TBC1D1: variants seen among roughly 807,000 people sequenced by gnomAD.
The protein encoded by TBC1D1 is TBC1 domain family member 1.
In TBC1D1, 89 loss-of-function variants were observed where a neutral mutation model predicts 125.6. The observed-to-expected ratio is 0.71, with a 90% CI of 0.60 to 0.85. The LOEUF (loss-of-function observed/expected upper bound fraction) is 0.85. TBC1D1 is among the 40% of genes least tolerant of loss of function. The pLI is 0.00. For missense variants in TBC1D1, 1,377 were observed against 1,469.2 expected (o/e 0.94, Z 1.03); for synonymous variants, 565 against 564.1 (o/e 1.00, Z -0.02).
At chr4:38,115,664 CTT>C in intron 15 of TBC1D1, 44 bp from the exon 18 acceptor site, 9 of 1,568,922 alleles carry the variant, frequency 5.7e-6, no homozygotes, top group Non-Finnish European at 7.8e-6. Flanking sequence ...AATAGGCTTT[CTT>C]TTTTTGTTTT....
intron 2 of TBC1D1, among the ~76,000 whole-genome samples, chr4:38,011,090 G>A (rs1016900303): frequency 7.9e-5 from 12 of 152,256 alleles, no homozygotes; most frequent in African/African-American, 1.7e-4. Flanking sequence ...AGTGGCTCAC[G>A]CCTGTAATCC....
chr4:37,924,345 C>T (rs1268956876), intron 2 of TBC1D1, among the ~76,000 whole-genome samples: 1 of 152,146 alleles, frequency 6.6e-6, no homozygotes, highest in African/African-American at 2.4e-5. Flanking sequence ...GAAATATCTA[C>T]CACTAACCCA....
chr4:37,916,196 G>A (rs559873800), intron 2 of TBC1D1, among the ~76,000 whole-genome samples: 2 of 152,264 alleles, frequency 1.3e-5, no homozygotes, highest in African/African-American at 4.8e-5. Flanking sequence ...CCAACATTAA[G>A]AGACTGGTGT....
At chr4:38,095,106 A>G (rs912926337) in intron 13 of TBC1D1, among the ~76,000 whole-genome samples, 2 of 152,256 alleles carry the variant, frequency 1.3e-5, no homozygotes, top group East Asian at 3.9e-4. Context: ...GTACGAGGGA[A>G]AAGATTAAAG....
chr4:37,935,769 G>A (rs560850930), intron 2 of TBC1D1, among the ~76,000 whole-genome samples: 20 of 152,200 alleles, frequency 1.3e-4, no homozygotes, highest in Admixed American at 5.2e-4. Flanking sequence ...AAGAGTCTCC[G>A]TTTCCCCTCC....
In TBC1D1 at chr4:38,049,758, C is replaced by T. The variant is rs2152478580; in HGVS notation, c.1770C>T (p.Phe590=). The change falls in exon 11 of 20, where the codon TTC becomes TTT. Residue 590 remains phenylalanine (F), a synonymous_variant. Transcript: ENST00000261439. ...CTCCGCTGTCGCCCCAGCAGGCCTT[C>T]AGGAGGCGAGCAAACACCCTGAGTC... 6.2e-7 allele frequency: 1 copy of T among 1,614,170 alleles called. No homozygotes were observed. The highest frequency in any genetic ancestry group is 1.1e-5 in the South Asian group (1 of 91,086).
chr4:37,903,624 A>T (rs888070589), intron 2 of TBC1D1, among the ~76,000 whole-genome samples: 35 of 152,170 alleles, frequency 2.3e-4, no homozygotes, highest in African/African-American at 8.4e-4. Flanking sequence ...TATTTTATGT[A>T]CTCTCTAGGG....
intron 2 of TBC1D1, chr4:37,960,582 T>C: frequency 6.2e-7 from 1 of 1,614,188 alleles, no homozygotes; most frequent in Non-Finnish European, 8.5e-7. Flanking sequence ...TGGCAAAACA[T>C]ACGATGCTCC....
intron 7 of TBC1D1, among the ~76,000 whole-genome samples, chr4:38,032,288 C>T (rs1325223408): frequency 6.6e-6 from 1 of 152,102 alleles, no homozygotes; most frequent in Non-Finnish European, 1.5e-5. Context: ...CACTGCACTC[C>T]AGCCTGGGGG....
At position 38,133,214 on chromosome 4, in the gene TBC1D1, G is replaced by C. The variant is rs1222128281; in HGVS notation, c.3263G>C (p.Ser1088Thr). 8.1e-6 allele frequency: 13 copies of C among 1,614,158 alleles called. No homozygotes were observed. Among genetic ancestry groups the C allele is most frequent in the Non-Finnish European group, 9.3e-6 (11 of 1,180,002 alleles). The stretch of plus-strand genomic sequence containing the variant: ...ATGGATAAATTAGAGAAAACCAACA[G>C]CAGCTTACGCAAACAGAACCTTGAC... Residue 1088 changes from serine to threonine, a missense_variant, in exon 19 of 20, where the codon AGC becomes ACC. Physicochemically the swap from Ser to Thr is moderately conservative, Grantham distance 58. Coordinates refer to ENST00000261439, the MANE Select transcript of TBC1D1 (RefSeq NM_015173.4).
At chr4:38,094,719 G>A (rs984835307) in intron 13 of TBC1D1, among the ~76,000 whole-genome samples, 3 of 151,962 alleles carry the variant, frequency 2.0e-5, no homozygotes, top group South Asian at 2.1e-4. Context: ...GTGGCCAGAC[G>A]TGCTTGTAGC....
intron 2 of TBC1D1, among the ~76,000 whole-genome samples, chr4:37,974,218 G>T (rs142787270): frequency 6.6e-6 from 1 of 152,242 alleles, no homozygotes; most frequent in African/African-American, 2.4e-5. Context: ...TTCAAGGGTG[G>T]CCTCTGTTGG....
chr4:37,939,615 G>A (rs1214939574), intron 2 of TBC1D1, among the ~76,000 whole-genome samples: 2 of 152,160 alleles, frequency 1.3e-5, no homozygotes, highest in South Asian at 2.1e-4. Context: ...TGTCCTGAAT[G>A]GTATTGCCTA....
chr4:37,969,412 G>C (rs568801687), intron 2 of TBC1D1, among the ~76,000 whole-genome samples: 1 of 152,126 alleles, frequency 6.6e-6, no homozygotes, highest in Non-Finnish European at 1.5e-5. Context: ...GCACAATCTC[G>C]GCTCATGGCA....
At chr4:38,007,181 G>C (rs1032025696) in intron 2 of TBC1D1, 1 of 166,938 alleles carries the variant, frequency 6.0e-6, no homozygotes, top group African/African-American at 2.4e-5. Flanking sequence ...TTTATTTTAA[G>C]AAGGGCGGGG....
chr4:37,942,592 G>A (rs2152307024), intron 2 of TBC1D1, among the ~76,000 whole-genome samples: 1 of 152,072 alleles, frequency 6.6e-6, no homozygotes, highest in African/African-American at 2.4e-5. Context: ...AGGCTGGAGT[G>A]CAGTGGCACG....
chr4:37,917,061 A>G (rs1024464290), intron 2 of TBC1D1, among the ~76,000 whole-genome samples: 7 of 151,522 alleles, frequency 4.6e-5, no homozygotes, highest in Non-Finnish European at 1.0e-4. Flanking sequence ...GTGAGGCACC[A>G]TGCCTGGCCT....
intron 2 of TBC1D1, chr4:37,960,935 GA>G (rs1729917585): frequency 6.2e-7 from 1 of 1,614,122 alleles, no homozygotes. Flanking sequence ...CTTCACCTGT[GA>G]AAATGCCCTC....
chr4:38,138,521 G>A lies in TBC1D1; in HGVS notation c.*1186G>A, dbSNP rs1226212625. 1 of 152,548 alleles carries A rather than the reference G, an allele frequency of 6.6e-6. No individual in the cohort carries two copies. The highest frequency in any genetic ancestry group is 2.4e-5 in the African/African-American group (1 of 41,412). 9.4% of individuals were successfully genotyped at this position (152,548 alleles called of 1,614,324 possible). The stretch of plus-strand genomic sequence containing the variant: ...TTATGACAGCTGACAGTTTTTCAGA[G>A]GTCGCACACAGTGACTCTCCTCTCT... On this transcript the variant is annotated 3_prime_UTR_variant, in exon 20 of 20. Transcript: ENST00000261439.
Sources: allele counts gnomAD v4.1 joint callset (sites outside exome capture counted in the v4.1 genomes callset), GRCh38; gene constraint gnomAD v4.1.1; transcripts MANE v1.5; gene names NCBI Gene and HGNC (gene_info 2026-07-23, HGNC 2026-07-21).